Variants in ETNK1 observed in about 807,000 individuals in gnomAD.
ETNK1 encodes putative protein product of Nbla10396.
A neutral mutation model predicts 45.1 loss-of-function variants in ETNK1; 8 were observed. That is an observed-to-expected ratio of 0.18 (90% CI 0.10 to 0.32). The LOEUF (loss-of-function observed/expected upper bound fraction) is 0.32, where lower values mean the gene tolerates loss of function less well. Among genes scored for constraint, ETNK1 ranks in the 10% least tolerant of loss-of-function variants. The probability of loss-of-function intolerance (pLI) is 1.00; values close to 1 mark genes in which losing one functional copy is unlikely to be tolerated. For missense variants in ETNK1, 302 were observed against 430.6 expected, an observed-to-expected ratio of 0.70 and a Z score of 2.64; for synonymous variants, 152 against 151.9, an observed-to-expected ratio of 1.00 and a Z score of -0.01.
Position 22,656,746 on chromosome 12 carries a change from G to GT in ETNK1, c.417-2267dup, listed in dbSNP as rs1306799674. 6.1e-6 allele frequency: 6 copies of GT among 982,370 alleles called. No individual in the cohort carries two copies. The African/African-American group carries it at 1.1e-4, about 17-fold the overall frequency. The allele number at this position is 982,370 out of a possible 1,614,324, so 60.9% of individuals were successfully genotyped here. A position where few individuals can be genotyped will look rare whatever the true frequency, so the allele number is the denominator to read the frequency against. ...ATCAGGGTCTCTTATAAACCCTGGG[G>GT]TAAAACTATTAGAAATGATATTATT... On this transcript the variant is annotated intron_variant, in intron 2 of 7. Transcript: ENST00000266517.
chr12:22,629,209 G>C (rs910099421), intron 1 of ETNK1, among the ~76,000 whole-genome samples: 1 of 151,976 alleles, frequency 6.6e-6, no homozygotes, highest in Non-Finnish European at 1.5e-5. Context: ...AGTCCGATGG[G>C]GAAGACAAAT....
chr12:22,641,538 A>G (rs1036353082), intron 1 of ETNK1, among the ~76,000 whole-genome samples: 7 of 152,156 alleles, frequency 4.6e-5, no homozygotes, highest in Non-Finnish European at 8.8e-5. Flanking sequence ...AAAACAGTTT[A>G]TGTTCAGCAT....
rs1432298636 is a variant in ETNK1 at position 22,673,636 on chromosome 12, C to T, written c.921C>T (p.Phe307=). 3 of 1,613,388 alleles carry T rather than the reference C, an allele frequency of 1.9e-6. No homozygotes were observed. The highest frequency in any genetic ancestry group is 2.5e-6 in the Non-Finnish European group (3 of 1,179,718). ...CTGAAAAGGAGGTAGAAATACTCTTCATTCAAGTCAATCAGTTTGCATTGG... is the reference window on the plus strand; with the variant it reads ...CTGAAAAGGAGGTAGAAATACTCTTTATTCAAGTCAATCAGTTTGCATTGG... The part of the protein sequence containing the change: ...EVTEKEVEIL[F]IQVNQFALAS... Residue 307 remains phenylalanine (F), a synonymous_variant, in exon 6 of 8, where the codon TTC becomes TTT. Transcript: ENST00000266517.
At chr12:22,677,191 G>A (rs543401287) in intron 6 of ETNK1, among the ~76,000 whole-genome samples, 2 of 152,128 alleles carry the variant, frequency 1.3e-5, no homozygotes, top group Non-Finnish European at 2.9e-5. Flanking sequence ...TTTGTATGAG[G>A]TGTAAGGAAG....
rs780482974 is a variant in ETNK1, at chr12:22,625,313, C to G, written c.-118C>G. On this transcript the variant is annotated 5_prime_UTR_variant, in exon 1 of 8. Coordinates refer to ENST00000266517, the MANE Select transcript of ETNK1 (RefSeq NM_018638.5). The stretch of plus-strand genomic sequence containing the variant: ...CCGCTCGCCCGCCCGTCCCAGCGCC[C>G]CCAGCCCTCCCGCGAGGGCGCCCCG... 2 of 1,602,540 alleles carry G rather than the reference C, an allele frequency of 1.2e-6. No individual in the cohort carries two copies. The highest frequency in any genetic ancestry group is 1.7e-6 in the Non-Finnish European group (2 of 1,175,698).
intron 1 of ETNK1, among the ~76,000 whole-genome samples, chr12:22,634,691 C>T (rs550346840): frequency 6.6e-6 from 1 of 152,060 alleles, no homozygotes; most frequent in African/African-American, 2.4e-5. Context: ...ACCATGTGCT[C>T]GCCCCATGCC....
chr12:22,626,427 A>G (rs1358753873), intron 1 of ETNK1, among the ~76,000 whole-genome samples: 2 of 69,770 alleles, frequency 2.9e-5, no homozygotes, highest in East Asian at 2.5e-4. Flanking sequence ...CCTTGCAAAC[A>G]AAAAAAAACA....
intron 2 of ETNK1, among the ~76,000 whole-genome samples, chr12:22,651,834 C>T (rs1953880204): frequency 6.6e-6 from 1 of 151,754 alleles, no homozygotes; most frequent in South Asian, 2.1e-4. Flanking sequence ...TATAGGTGCC[C>T]ACCACCTCGC....
intron 1 of ETNK1, among the ~76,000 whole-genome samples, chr12:22,641,466 G>A (rs1490623598): frequency 6.6e-6 from 1 of 152,040 alleles, no homozygotes; most frequent in African/African-American, 2.4e-5. Context: ...TGGTTTTGTT[G>A]TTTTCTTGAC....
intron 1 of ETNK1, chr12:22,626,016 C>A: frequency 2.6e-6 from 1 of 383,266 alleles, no homozygotes; most frequent in Non-Finnish European, 5.1e-6. Context: ...CCTCCCCCTG[C>A]GATGTGCTTT....
At chr12:22,656,452 T>A (rs1953941964) in intron 2 of ETNK1, 1 of 985,424 alleles carries the variant, frequency 1.0e-6, no homozygotes, top group African/African-American at 1.7e-5. Context: ...CAGAAACGGC[T>A]TAGTTCTAAA....
At chr12:22,680,221 T>C (rs1954201783) in intron 6 of ETNK1, among the ~76,000 whole-genome samples, 1 of 152,200 alleles carries the variant, frequency 6.6e-6, no homozygotes, top group Non-Finnish European at 1.5e-5. Flanking sequence ...CCTTTTATTT[T>C]TTACCTTTGA....
intron 2 of ETNK1, among the ~76,000 whole-genome samples, chr12:22,655,108 A>G (rs913168693): frequency 1.3e-5 from 2 of 152,174 alleles, no homozygotes; most frequent in Non-Finnish European, 2.9e-5. Context: ...CTGGGATTAC[A>G]GGTGCCTGCC....
At chr12:22,666,293 T>A (rs1242438231) in intron 4 of ETNK1, among the ~76,000 whole-genome samples, 1 of 152,268 alleles carries the variant, frequency 6.6e-6, no homozygotes, top group South Asian at 2.1e-4. Context: ...CTTAATGATA[T>A]GGTGATAGAA....
chr12:22,656,203 T>C (rs1356546774), intron 2 of ETNK1, among the ~76,000 whole-genome samples: 1 of 152,202 alleles, frequency 6.6e-6, no homozygotes, highest in African/African-American at 2.4e-5. Flanking sequence ...ATTACATTTT[T>C]TTAATACACA....
intron 4 of ETNK1, among the ~76,000 whole-genome samples, chr12:22,670,830 T>C (rs1025849291): frequency 6.6e-6 from 1 of 152,230 alleles, no homozygotes; most frequent in African/African-American, 2.4e-5. Context: ...ATATTTTATT[T>C]CCATATGTAG....
intron 4 of ETNK1, among the ~76,000 whole-genome samples, chr12:22,664,246 AAAT>A (rs1954033714): frequency 6.6e-6 from 1 of 152,114 alleles, no homozygotes; most frequent in African/African-American, 2.4e-5. Flanking sequence ...TTTAATATGC[AAAT>A]AATATAATAT....
intron 1 of ETNK1, among the ~76,000 whole-genome samples, chr12:22,640,396 CTTT>C (rs77034488): frequency 4.7e-5 from 6 of 126,466 alleles, no homozygotes; most frequent in Admixed American, 8.1e-5. Context: ...AATTGAAAGC[CTTT>C]TTTTTTTTTT....
At chr12:22,634,043 T>G (rs891799603) in intron 1 of ETNK1, among the ~76,000 whole-genome samples, 4 of 152,144 alleles carry the variant, frequency 2.6e-5, no homozygotes, top group African/African-American at 9.6e-5. Context: ...AAGGAGAACA[T>G]TTTCAATAAT....
Sources: allele counts gnomAD v4.1 joint callset (sites outside exome capture counted in the v4.1 genomes callset), GRCh38; gene constraint gnomAD v4.1.1; transcripts MANE v1.5; gene names NCBI Gene and HGNC (gene_info 2026-07-23, HGNC 2026-07-21).